The following NLGN1 variants were observed in gnomAD, a reference collection of about 807,000 sequenced individuals.
The protein encoded by NLGN1 is neuroligin-1.
In NLGN1, 12 loss-of-function variants were observed where a neutral mutation model predicts 65.5. The ratio of observed to expected loss-of-function variants is 0.18; its 90% CI spans 0.12 to 0.30. The LOEUF (loss-of-function observed/expected upper bound fraction) is 0.30. NLGN1 is among the 10% of genes least tolerant of loss of function. The pLI is 1.00. For synonymous variants in NLGN1, 350 were observed against 359.5 expected, an observed-to-expected ratio of 0.97 and a Z score of 0.30; for missense variants, 750 against 1,007.1, an observed-to-expected ratio of 0.74 and a Z score of 3.46.
intron 2 of NLGN1, among the ~76,000 whole-genome samples, chr3:173,510,823 G>C (rs1291103580): frequency 6.6e-6 from 1 of 152,118 alleles, no homozygotes; most frequent in African/African-American, 2.4e-5. Flanking sequence ...GTATGCTGTG[G>C]GTCCTGTCTG....
In NLGN1 at chr3:174,268,153, T is replaced by A. The variant is rs146845362; in HGVS notation, c.647-7162T>A. Among the ~76,000 whole-genome samples, 72 of 152,308 alleles carry A rather than the reference T, an allele frequency of 4.7e-4. 1 individual carries two copies. In the East Asian group the frequency reaches 0.014, roughly 29 times the overall value. ...TATGTCTTTAAATCACAAGACATAT[T>A]CCCGCACAATCAAAGCAATTAGAAA... On this transcript the variant is annotated intron_variant, in intron 4 of 6. Coordinates refer to ENST00000457714, the Ensembl canonical transcript of NLGN1.
intron 4 of NLGN1, among the ~76,000 whole-genome samples, chr3:174,265,674 C>A (rs975478463): frequency 3.3e-5 from 5 of 151,482 alleles, no homozygotes; most frequent in African/African-American, 1.2e-4. Context: ...TAGACCGGAG[C>A]TGTTCCTATC....
chr3:173,977,670 A>C (rs1175738970), intron 4 of NLGN1, among the ~76,000 whole-genome samples: 1 of 152,066 alleles, frequency 6.6e-6, no homozygotes, highest in Admixed American at 6.6e-5. Flanking sequence ...GACAAAGCAC[A>C]AACTCTGGGA....
chr3:174,029,130 G>A (rs1355495880), intron 4 of NLGN1, among the ~76,000 whole-genome samples: 1 of 152,186 alleles, frequency 6.6e-6, no homozygotes, highest in Non-Finnish European at 1.5e-5. Flanking sequence ...GTAAGAAGAA[G>A]GCCACCATCC....
chr3:174,087,007 A>G (rs1244713642), intron 4 of NLGN1, among the ~76,000 whole-genome samples: 1 of 152,178 alleles, frequency 6.6e-6, no homozygotes, highest in Admixed American at 6.5e-5. Flanking sequence ...ATCCTTCGCA[A>G]ACTAATACAG....
intron 4 of NLGN1, among the ~76,000 whole-genome samples, chr3:174,022,216 T>A (rs760242180): frequency 1.3e-5 from 2 of 152,158 alleles, no homozygotes; most frequent in African/African-American, 2.4e-5. Flanking sequence ...CTTGGGTCTC[T>A]CTTCAGTCTG....
In NLGN1 at chr3:173,947,661, C is replaced by A. The variant is rs897926229; in HGVS notation, c.646+139829C>A. On this transcript the variant is annotated intron_variant, in intron 4 of 6. Transcript: ENST00000457714. ...TTAAATTCCTTTAAAATATACAATA[C>A]AGGCATGAAATATCATGAACATTCA... 3.3e-5 allele frequency among the ~76,000 whole-genome samples: 5 copies of A among 152,122 alleles called. No homozygotes were observed. The South Asian group carries it at 1.0e-3, about 32-fold the overall frequency.
intron 2 of NLGN1, among the ~76,000 whole-genome samples, chr3:173,518,849 A>G (rs527553457): frequency 1.3e-5 from 2 of 152,296 alleles, no homozygotes; most frequent in Middle Eastern, 6.8e-3. Context: ...TCGCATAACT[A>G]AAAGGAAGGC....
chr3:174,045,963 A>G (rs1434728256), intron 4 of NLGN1, among the ~76,000 whole-genome samples: 1 of 152,158 alleles, frequency 6.6e-6, no homozygotes, highest in Non-Finnish European at 1.5e-5. Flanking sequence ...AAATCTGAGG[A>G]AAAGCATTGT....
chr3:173,816,503 G>A (rs1719068874), intron 4 of NLGN1, among the ~76,000 whole-genome samples: 1 of 152,090 alleles, frequency 6.6e-6, no homozygotes, highest in Non-Finnish European at 1.5e-5. Context: ...ATTTTCCTAG[G>A]TTTTCTAAAA....
intron 2 of NLGN1, among the ~76,000 whole-genome samples, chr3:173,515,800 G>C (rs1029124921): frequency 6.6e-6 from 1 of 151,674 alleles, no homozygotes; most frequent in East Asian, 1.9e-4. Context: ...TTTTATACTC[G>C]TAGCCCTCAT....
intron 2 of NLGN1, among the ~76,000 whole-genome samples, chr3:173,477,174 A>G (rs1726368385): frequency 6.6e-6 from 1 of 152,130 alleles, no homozygotes; most frequent in Admixed American, 6.6e-5. Flanking sequence ...GTGGGTGTCA[A>G]TGCAATGTAA....
chr3:173,583,300 C>T (rs1393558708), intron 2 of NLGN1, among the ~76,000 whole-genome samples: 1 of 152,172 alleles, frequency 6.6e-6, no homozygotes, highest in Non-Finnish European at 1.5e-5. Flanking sequence ...AATTACATTA[C>T]TTCTATAGAT....
chr3:173,891,908 C>A (rs1344975021), intron 4 of NLGN1, among the ~76,000 whole-genome samples: 1 of 149,526 alleles, frequency 6.7e-6, no homozygotes, highest in African/African-American at 2.6e-5. Context: ...GTAATAAATA[C>A]TTGATGAATG....
chr3:173,843,343 G>A (rs1460258711), intron 4 of NLGN1, among the ~76,000 whole-genome samples: 2 of 152,212 alleles, frequency 1.3e-5, no homozygotes, highest in African/African-American at 2.4e-5. Context: ...TTAGCATTCA[G>A]CTCCTGGTTA....
At chr3:173,754,847 TACC>T (rs1160976220) in intron 3 of NLGN1, among the ~76,000 whole-genome samples, 2 of 152,068 alleles carry the variant, frequency 1.3e-5, no homozygotes, top group African/African-American at 2.4e-5. Context: ...ACTATTTTTT[TACC>T]ACTTTTTATG....
intron 3 of NLGN1, among the ~76,000 whole-genome samples, chr3:173,677,190 G>T (rs906336398): frequency 1.3e-5 from 2 of 151,958 alleles, no homozygotes; most frequent in African/African-American, 4.8e-5. Context: ...CTATTATCTG[G>T]CTAGAAGGGT....
At chr3:173,830,765 T>TG (rs1722376206) in intron 4 of NLGN1, among the ~76,000 whole-genome samples, 1 of 152,218 alleles carries the variant, frequency 6.6e-6, no homozygotes, top group Non-Finnish European at 1.5e-5. Context: ...ATAATACTAA[T>TG]GATGAATTAA....
At chr3:173,807,978 A>C in intron 4 of NLGN1, 146 bp downstream of exon 4, 1 of 715,602 alleles carries the variant, frequency 1.4e-6, no homozygotes, top group Non-Finnish European at 2.3e-6. Context: ...TTATAGTTTC[A>C]ATGAATTCTA....
Sources: gnomAD v4.1 joint callset for allele counts (sites outside exome capture counted in the v4.1 genomes callset) on GRCh38, gnomAD v4.1.1 for gene constraint, MANE v1.5 for transcripts, NCBI Gene and HGNC (gene_info 2026-07-23, HGNC 2026-07-21) for gene names.